Variants in CYP2C19 observed in about 807,000 individuals in gnomAD.
CYP2C19 encodes the protein cytochrome P450 family 2 subfamily C member 19, also known as cytochrome P450 2C19.
A neutral mutation model predicts 40.9 loss-of-function variants in CYP2C19; 59 were observed. The ratio of observed to expected loss-of-function variants is 1.44; its 90% confidence interval spans 1.17 to 1.79. The LOEUF (loss-of-function observed/expected upper bound fraction) is 1.79, where lower values mean the gene tolerates loss of function less well. CYP2C19 is among the 40% of genes most tolerant of loss of function. The pLI, the probability that CYP2C19 is intolerant of heterozygous loss-of-function variation, is 0.00. For missense variants in CYP2C19, 754 were observed against 596.9 expected, an observed-to-expected ratio of 1.26 and a Z score of -2.74; for synonymous variants, 253 against 208.7, an observed-to-expected ratio of 1.21 and a Z score of -1.83.
chr10:94,799,473 A>G (rs1848734787), intron 5 of CYP2C19, among the ~76,000 whole-genome samples: 1 of 151,866 alleles, frequency 6.6e-6, no homozygotes, highest in Admixed American at 6.6e-5. Context: ...TCTGACAATT[A>G]TGTGTCTTGG....
Position 94,820,544 on chromosome 10 carries a change from A to T in CYP2C19, c.868A>T (p.Thr290Ser). 3.1e-6 allele frequency: 5 copies of T among 1,614,160 alleles called. No individual in the cohort carries two copies. The highest frequency in any genetic ancestry group is 4.2e-6 in the Non-Finnish European group (5 of 1,180,034). The change falls in exon 6 of 9, where the codon ACT becomes TCT. Residue 290 changes from threonine (T) to serine (S), a missense_variant. Coordinates refer to ENST00000371321, the MANE Select transcript of CYP2C19 (RefSeq NM_000769.4). ...ATTCACTATTGAAAACTTGGTAATC[A>T]CTGCAGCTGACTTACTTGGAGCTGG... The part of the protein sequence containing the change: ...SEFTIENLVI[T>S]AADLLGAGTE...
At chr10:94,830,502 C>T (rs1470844944) in intron 6 of CYP2C19, among the ~76,000 whole-genome samples, 1 of 152,300 alleles carries the variant, frequency 6.6e-6, no homozygotes, top group Middle Eastern at 3.4e-3. Flanking sequence ...CAATGCCTCG[C>T]CCTGCTTCGG....
chr10:94,833,960 TC>T (rs1323712109), intron 6 of CYP2C19, among the ~76,000 whole-genome samples: 1 of 152,212 alleles, frequency 6.6e-6, no homozygotes, highest in Non-Finnish European at 1.5e-5. Context: ...CCTGTAGTTT[TC>T]TTTTTTTGAT....
chr10:94,800,652 G>A (rs1835847469), intron 5 of CYP2C19, among the ~76,000 whole-genome samples: 1 of 152,206 alleles, frequency 6.6e-6, no homozygotes, highest in African/African-American at 2.4e-5. Flanking sequence ...AGTAGGCCTT[G>A]CTGAGCTGCA....
rs147889217 is a variant in CYP2C19 at position 94,785,397 on chromosome 10, T to A, written c.819+3400T>A. On this transcript the variant is annotated intron_variant, in intron 5 of 8. Transcript: ENST00000371321. The stretch of plus-strand genomic sequence containing the variant: ...TTTTGTATTTTGTCATCCAATTGAC[T>A]CATCACCATTTGTTGAAGAGATTCT... 3.1e-3 allele frequency among the ~76,000 whole-genome samples: 474 copies of A among 152,280 alleles called. 3 individuals are homozygous for A. The highest frequency in any genetic ancestry group is 0.011 in the African/African-American group (451 of 41,582).
intron 6 of CYP2C19, among the ~76,000 whole-genome samples, chr10:94,826,902 A>G (rs890747409): frequency 3.3e-5 from 5 of 151,996 alleles, no homozygotes; most frequent in Non-Finnish European, 7.3e-5. Context: ...CCTTTTCTGC[A>G]TGTAGTATTG....
chr10:94,778,367 C>T (rs187630050), intron 3 of CYP2C19, among the ~76,000 whole-genome samples: 8 of 152,240 alleles, frequency 5.3e-5, no homozygotes, highest in Admixed American at 1.3e-4. Flanking sequence ...CAGAGCCTTC[C>T]GACCTTTCAG....
At chr10:94,851,132 A>G (rs1849647081) in intron 8 of CYP2C19, among the ~76,000 whole-genome samples, 1 of 152,106 alleles carries the variant, frequency 6.6e-6, no homozygotes, top group Non-Finnish European at 1.5e-5. Context: ...AGGTTATTTG[A>G]CTCACAGTTC....
At chr10:94,840,346 T>TG in intron 6 of CYP2C19, among the ~76,000 whole-genome samples, 1 of 151,732 alleles carries the variant, frequency 6.6e-6, no homozygotes, top group Non-Finnish European at 1.5e-5. Flanking sequence ...CTGGCAAGTG[T>TG]GGTGGGGAAT....
intron 1 of CYP2C19, 37 bp from the exon 2 acceptor site, chr10:94,775,021 T>C: frequency 3.1e-6 from 5 of 1,606,112 alleles, no homozygotes; most frequent in Non-Finnish European, 4.3e-6. Context: ...GACAAAACAG[T>C]GACTTCATTT....
intron 5 of CYP2C19, among the ~76,000 whole-genome samples, chr10:94,790,456 C>T (rs1055181007): frequency 6.6e-6 from 1 of 152,074 alleles, no homozygotes; most frequent in African/African-American, 2.4e-5. Context: ...AGTTTTTGCC[C>T]ATTCAGTATG....
chr10:94,839,444 C>A (rs1849456259), intron 6 of CYP2C19, among the ~76,000 whole-genome samples: 1 of 152,192 alleles, frequency 6.6e-6, no homozygotes, highest in South Asian at 2.1e-4. Flanking sequence ...TTCTAGTGGT[C>A]CTTTACCAGC....
At chr10:94,784,613 A>G (rs755147455) in intron 5 of CYP2C19, among the ~76,000 whole-genome samples, 6 of 151,726 alleles carry the variant, frequency 4.0e-5, no homozygotes, top group African/African-American at 1.2e-4. Context: ...CTCATTATTT[A>G]TTTATTTATT....
chr10:94,764,880 G>A (rs1019973155), intron 1 of CYP2C19, among the ~76,000 whole-genome samples: 3 of 152,120 alleles, frequency 2.0e-5, no homozygotes, highest in Non-Finnish European at 4.4e-5. Flanking sequence ...TAACTCCAGA[G>A]GTTGGTATGA....
intron 3 of CYP2C19, 43 bp downstream of exon 3, chr10:94,775,582 C>T (rs1425490965): frequency 7.4e-6 from 12 of 1,613,600 alleles, no homozygotes; most frequent in African/African-American, 1.3e-5. Context: ...CTGGACTGCT[C>T]TCCTCTCTAC....
intron 5 of CYP2C19, among the ~76,000 whole-genome samples, chr10:94,805,257 G>T (rs1848817356): frequency 6.6e-6 from 1 of 151,822 alleles, no homozygotes; most frequent in South Asian, 2.1e-4. Context: ...GAGTATTTTT[G>T]TTATGATAGG....
chr10:94,763,046 T>C (rs1848194627), intron 1 of CYP2C19, among the ~76,000 whole-genome samples, 173 bp downstream of exon 1: 1 of 152,206 alleles, frequency 6.6e-6, no homozygotes. Context: ...TGGAATGAAA[T>C]AATATATTTT....
intron 3 of CYP2C19, among the ~76,000 whole-genome samples, chr10:94,776,876 T>C (rs1264591022): frequency 6.6e-6 from 1 of 152,104 alleles, no homozygotes; most frequent in East Asian, 1.9e-4. Flanking sequence ...TGTTTACAGA[T>C]GACATGATTG....
At chr10:94,848,338 C>T (rs1247188953) in intron 7 of CYP2C19, among the ~76,000 whole-genome samples, 2 of 152,168 alleles carry the variant, frequency 1.3e-5, no homozygotes, top group Non-Finnish European at 2.9e-5. Flanking sequence ...ATAGGGAATC[C>T]TTTCCCCATT....
Sources: gnomAD v4.1 joint callset for allele counts (sites outside exome capture counted in the v4.1 genomes callset) on GRCh38, gnomAD v4.1.1 for gene constraint, MANE v1.5 for transcripts, NCBI Gene and HGNC (gene_info 2026-07-23, HGNC 2026-07-21) for gene names.